PRKCQ: variants seen among roughly 807,000 people sequenced by gnomAD.
The protein encoded by PRKCQ is protein kinase C theta, also known as protein kinase C theta type.
A neutral mutation model predicts 91.2 loss-of-function variants in PRKCQ; 41 were observed. The observed-to-expected ratio is 0.45, with a 90% CI of 0.35 to 0.58. The LOEUF is 0.58. Ranked by LOEUF, PRKCQ falls within the 20% of genes least tolerant of loss-of-function variation. The probability of loss-of-function intolerance (pLI) is 0.00; values close to 1 mark genes in which losing one functional copy is unlikely to be tolerated. For synonymous variants in PRKCQ, 307 were observed against 316.9 expected (o/e 0.97, Z 0.33); for missense variants, 673 against 896.5 (o/e 0.75, Z 3.18).
the PRKCQ span, among the ~76,000 whole-genome samples, chr10:6,408,089 C>CAG: frequency 8.7e-6 from 1 of 115,442 alleles, no homozygotes; most frequent in African/African-American, 3.6e-5. Flanking sequence ...TTTTTGGAAT[C>CAG]AGGATCCGGA....
intron 12 of PRKCQ, among the ~76,000 whole-genome samples, chr10:6,472,059 A>G (rs1185600983): frequency 6.6e-6 from 1 of 152,144 alleles, no homozygotes; most frequent in Non-Finnish European, 1.5e-5. Flanking sequence ...CCGTAATCCT[A>G]GCACTCTGGG....
chr10:6,535,054 A>C (rs1311318514), intron 1 of PRKCQ, among the ~76,000 whole-genome samples: 1 of 152,172 alleles, frequency 6.6e-6, no homozygotes, highest in East Asian at 1.9e-4. Context: ...GGAAAAATGG[A>C]TGTGTACAGA....
chr10:6,541,458 C>T (rs1839772206), intron 1 of PRKCQ, among the ~76,000 whole-genome samples: 1 of 152,140 alleles, frequency 6.6e-6, no homozygotes, highest in African/African-American at 2.4e-5. Flanking sequence ...ATGACCTGCC[C>T]CTAAAGACCC....
At chr10:6,552,355 C>A (rs185919205) in intron 1 of PRKCQ, among the ~76,000 whole-genome samples, 86 of 152,210 alleles carry the variant, frequency 5.7e-4, no homozygotes, top group Non-Finnish European at 9.7e-4. Context: ...TGTTTATATT[C>A]TCCTGCAACT....
At chr10:6,501,854 A>G (rs539388770) in intron 4 of PRKCQ, among the ~76,000 whole-genome samples, 3 of 152,088 alleles carry the variant, frequency 2.0e-5, no homozygotes, top group Admixed American at 6.6e-5. Context: ...AAAAAATTAA[A>G]TAAAAAGAAG....
At chr10:6,537,180 CT>C (rs999408425) in intron 1 of PRKCQ, among the ~76,000 whole-genome samples, 1 of 151,962 alleles carries the variant, frequency 6.6e-6, no homozygotes, top group Non-Finnish European at 1.5e-5. Context: ...GTTGGTGATT[CT>C]TTTTTTTATT....
At chr10:6,395,189 G>A in the PRKCQ span, among the ~76,000 whole-genome samples, 1 of 149,732 alleles carries the variant, frequency 6.7e-6, no homozygotes. Context: ...TCAGCCTCCC[G>A]AGTAGCTGGG....
chr10:6,542,006 G>A (rs1839792309), intron 1 of PRKCQ, among the ~76,000 whole-genome samples: 1 of 152,192 alleles, frequency 6.6e-6, no homozygotes, highest in Non-Finnish European at 1.5e-5. Context: ...TAAGGTCAAG[G>A]AAAGCAACCA....
intron 1 of PRKCQ, among the ~76,000 whole-genome samples, chr10:6,572,936 C>T (rs1048864116): frequency 3.9e-5 from 6 of 151,990 alleles, no homozygotes; most frequent in African/African-American, 1.4e-4. Flanking sequence ...TTCTGACTTG[C>T]AGGAGATGGT....
At chr10:6,534,473 AAGC>A (rs1034690009) in intron 1 of PRKCQ, among the ~76,000 whole-genome samples, 1 of 152,120 alleles carries the variant, frequency 6.6e-6, no homozygotes, top group African/African-American at 2.4e-5. Context: ...ATGAATTATG[AAGC>A]AGATCTCGCC....
At chr10:6,467,489 C>T (rs1024129731) in intron 12 of PRKCQ, among the ~76,000 whole-genome samples, 1 of 151,170 alleles carries the variant, frequency 6.6e-6, no homozygotes, top group Non-Finnish European at 1.5e-5. Flanking sequence ...TTGTAAATGT[C>T]ACTTACTAGT....
chr10:6,426,337 A>G (rs1833120945), downstream of PRKCQ, among the ~76,000 whole-genome samples: 1 of 152,230 alleles, frequency 6.6e-6, no homozygotes, highest in Admixed American at 6.5e-5. Context: ...TGCAAAGCAG[A>G]GCAGAGATCA....
the PRKCQ span, among the ~76,000 whole-genome samples, chr10:6,395,258 T>C: frequency 7.3e-5 from 11 of 151,318 alleles, no homozygotes; most frequent in East Asian, 2.1e-3. Flanking sequence ...AGAGACGGGG[T>C]TTTCACCGTG....
the PRKCQ span, among the ~76,000 whole-genome samples, chr10:6,404,567 TTCTTTC>T: frequency 1.4e-4 from 7 of 49,932 alleles, no homozygotes; most frequent in Non-Finnish European, 2.0e-4. Context: ...CCTTTCTTCC[TTCTTTC>T]TCTTTCTTTC....
intron 4 of PRKCQ, among the ~76,000 whole-genome samples, chr10:6,504,561 A>C (rs1838086592): frequency 6.6e-6 from 1 of 152,232 alleles, no homozygotes; most frequent in Non-Finnish European, 1.5e-5. Flanking sequence ...TACTGAAATG[A>C]AAGCAACACA....
At chr10:6,553,122 G>A (rs1231671048) in intron 1 of PRKCQ, among the ~76,000 whole-genome samples, 3 of 152,166 alleles carry the variant, frequency 2.0e-5, no homozygotes, top group Admixed American at 2.0e-4. Flanking sequence ...CAGAATGAGA[G>A]TGAAAAGGAA....
rs147631370 is a variant in PRKCQ, at chr10:6,551,033, C to T, written c.-10+29178G>A. Among the ~76,000 whole-genome samples the T allele has an allele frequency of 5.3e-3, 804 of 152,148 alleles. 10 individuals carry two copies. Among genetic ancestry groups the T allele is most frequent in the African/African-American group, 0.018 (765 of 41,494 alleles). Reference sequence around the variant, plus strand: ...TGTTTATTTTAGGTTCAGGGGTACGCCTGCAGGTTTGTTATACAGGTAAAC... The same window carrying T: ...TGTTTATTTTAGGTTCAGGGGTACGTCTGCAGGTTTGTTATACAGGTAAAC... On this transcript the variant is annotated intron_variant, in intron 1 of 17. Coordinates refer to ENST00000263125, the MANE Select transcript of PRKCQ (RefSeq NM_006257.5).
chr10:6,463,077 C>T (rs369070407), intron 13 of PRKCQ, among the ~76,000 whole-genome samples: 86 of 152,092 alleles, frequency 5.7e-4, no homozygotes, highest in African/African-American at 1.9e-3. Flanking sequence ...CTCTGGTTGG[C>T]ACCCATAGAC....
chr10:6,476,972 A>T (rs1248396369), intron 12 of PRKCQ, among the ~76,000 whole-genome samples: 1 of 152,144 alleles, frequency 6.6e-6, no homozygotes, highest in African/African-American at 2.4e-5. Flanking sequence ...GGTATTTATC[A>T]TCTCCAGGAG....
Sources: allele counts gnomAD v4.1 joint callset (sites outside exome capture counted in the v4.1 genomes callset), GRCh38; gene constraint gnomAD v4.1.1; transcripts MANE v1.5; gene names NCBI Gene and HGNC (gene_info 2026-07-23, HGNC 2026-07-21).